MED27: variants seen among roughly 807,000 people sequenced by gnomAD.
The protein encoded by MED27 is mediator of RNA polymerase II transcription subunit 27.
Under a neutral mutation model 38.2 loss-of-function variants are expected in MED27, and 30 were observed. The ratio of observed to expected loss-of-function variants is 0.79; its 90% CI spans 0.59 to 1.07. The LOEUF (loss-of-function observed/expected upper bound fraction) is 1.07. Ranked by LOEUF, MED27 falls within the 50% of genes least tolerant of loss-of-function variation. MED27 has a pLI of 0.00. For missense variants in MED27, 289 were observed against 397.5 expected, an observed-to-expected ratio of 0.73 and a Z score of 2.32; for synonymous variants, 122 against 153.5, an observed-to-expected ratio of 0.79 and a Z score of 1.52.
chr9:131,951,549 C>G (rs1167265893), intron 3 of MED27, among the ~76,000 whole-genome samples: 1 of 152,228 alleles, frequency 6.6e-6, no homozygotes, highest in Non-Finnish European at 1.5e-5. Context: ...CTCAAGTTCT[C>G]ACAGTGCCCT....
chr9:131,968,696 T>C (rs1242792098), intron 3 of MED27, among the ~76,000 whole-genome samples: 1 of 152,120 alleles, frequency 6.6e-6, no homozygotes, highest in Non-Finnish European at 1.5e-5. Context: ...TTGAAAACAT[T>C]GTATTTGTGA....
chr9:132,055,094 G>A (rs987243016), intron 2 of MED27, among the ~76,000 whole-genome samples: 7 of 152,146 alleles, frequency 4.6e-5, no homozygotes, highest in Admixed American at 2.0e-4. Flanking sequence ...CCCTGGAAGC[G>A]CTGTGAAGGC....
At chr9:132,012,405 T>C (rs540775869) in intron 3 of MED27, among the ~76,000 whole-genome samples, 2 of 152,214 alleles carry the variant, frequency 1.3e-5, no homozygotes, top group East Asian at 3.8e-4. Context: ...TTGAAAAATA[T>C]GGCCCCTGTG....
rs112930752 is a variant in MED27 at position 131,875,799 on chromosome 9, G to A, written c.723+8259C>T. On this transcript the variant is annotated intron_variant, in intron 6 of 7. Coordinates refer to ENST00000292035, the MANE Select transcript of MED27 (RefSeq NM_004269.4). ...CAGCTAATTTTTATTTTTTTGGGGA[G>A]ATGGGGTTTTGCCATGTTGCCCAGG... Among the ~76,000 whole-genome samples, 819 of 152,304 alleles carry A rather than the reference G, an allele frequency of 5.4e-3. 7 individuals are homozygous for A. The highest frequency in any genetic ancestry group is 0.019 in the African/African-American group (776 of 41,560).
chr9:131,945,165 T>C (rs1395181012), intron 3 of MED27, among the ~76,000 whole-genome samples: 1 of 147,788 alleles, frequency 6.8e-6, no homozygotes, highest in Non-Finnish European at 1.5e-5. Context: ...TATATAAATA[T>C]AAAAATATAT....
chr9:132,067,925 C>T (rs867986204), intron 2 of MED27, among the ~76,000 whole-genome samples: 1 of 152,116 alleles, frequency 6.6e-6, no homozygotes, highest in African/African-American at 2.4e-5. Flanking sequence ...TGTTAGCCAG[C>T]ATGGTCTCCA....
At chr9:131,907,902 C>T (rs1265050390) in intron 4 of MED27, among the ~76,000 whole-genome samples, 18 of 150,860 alleles carry the variant, frequency 1.2e-4, no homozygotes, top group Admixed American at 3.9e-4. Context: ...CGCCTCTGCC[C>T]GGCCGCGACC....
At chr9:132,049,793 C>A (rs1833421164) in intron 2 of MED27, among the ~76,000 whole-genome samples, 1 of 152,144 alleles carries the variant, frequency 6.6e-6, no homozygotes, top group South Asian at 2.1e-4. Flanking sequence ...CCACATCACC[C>A]TAACCACACA....
At chr9:131,879,448 G>A (rs1279366630) in intron 6 of MED27, among the ~76,000 whole-genome samples, 1 of 152,228 alleles carries the variant, frequency 6.6e-6, no homozygotes, top group African/African-American at 2.4e-5. Flanking sequence ...AGGAGAGGGA[G>A]CTCTGCGGTT....
At chr9:131,908,236 C>G (rs1830113403) in intron 4 of MED27, among the ~76,000 whole-genome samples, 1 of 148,846 alleles carries the variant, frequency 6.7e-6, no homozygotes, top group African/African-American at 2.5e-5. Context: ...GCCAGCCGCC[C>G]CGTCCGGGAG....
intron 2 of MED27, among the ~76,000 whole-genome samples, chr9:132,055,447 A>C (rs911760105): frequency 6.6e-6 from 1 of 152,220 alleles, no homozygotes; most frequent in African/African-American, 2.4e-5. Context: ...TATAAACAAA[A>C]TACAGTAATT....
At chr9:131,914,214 A>T (rs971162383) in intron 4 of MED27, among the ~76,000 whole-genome samples, 1 of 152,212 alleles carries the variant, frequency 6.6e-6, no homozygotes, top group African/African-American at 2.4e-5. Context: ...AACAAACTCA[A>T]GACAGTAAGA....
chr9:131,965,240 G>A (rs1457232948), intron 3 of MED27, among the ~76,000 whole-genome samples: 2 of 152,176 alleles, frequency 1.3e-5, no homozygotes, highest in Non-Finnish European at 2.9e-5. Context: ...TTGCTAACTG[G>A]TCATTTTCAT....
intron 4 of MED27, among the ~76,000 whole-genome samples, chr9:131,909,213 T>TCA (rs1383499804): frequency 1.3e-5 from 2 of 152,242 alleles, no homozygotes; most frequent in East Asian, 3.8e-4. Flanking sequence ...AGGGGAAATA[T>TCA]CACTTCCTTT....
intron 4 of MED27, among the ~76,000 whole-genome samples, chr9:131,894,250 G>A (rs1203040653): frequency 6.6e-6 from 1 of 152,172 alleles, no homozygotes; most frequent in Non-Finnish European, 1.5e-5. Context: ...CTGAGGATAA[G>A]TTTCATATGT....
chr9:131,894,935 G>A (rs1393100313), intron 4 of MED27, among the ~76,000 whole-genome samples: 1 of 152,108 alleles, frequency 6.6e-6, no homozygotes, highest in Admixed American at 6.5e-5. Context: ...CCTCGAGAGT[G>A]GCTTGTTATA....
chr9:132,010,920 A>G (rs2131071703), intron 3 of MED27, among the ~76,000 whole-genome samples: 1 of 152,308 alleles, frequency 6.6e-6, no homozygotes, highest in South Asian at 2.1e-4. Flanking sequence ...ATTAGGAGAT[A>G]TACCTAATGT....
chr9:132,046,438 A>C (rs1589287174), intron 2 of MED27, among the ~76,000 whole-genome samples: 1 of 152,234 alleles, frequency 6.6e-6, no homozygotes, highest in African/African-American at 2.4e-5. Context: ...TCTTTAAAAA[A>C]AAAAAATCCA....
intron 6 of MED27, among the ~76,000 whole-genome samples, chr9:131,881,954 C>A (rs1156831598): frequency 2.6e-5 from 4 of 151,908 alleles, no homozygotes; most frequent in African/African-American, 7.3e-5. Context: ...CAGGGTTTCA[C>A]CATGTTGGCC....
Sources: allele counts gnomAD v4.1 joint callset (sites outside exome capture counted in the v4.1 genomes callset), GRCh38; gene constraint gnomAD v4.1.1; transcripts MANE v1.5; gene names NCBI Gene and HGNC (gene_info 2026-07-23, HGNC 2026-07-21).